PPP1R13B: variants seen among roughly 807,000 people sequenced by gnomAD.
PPP1R13B encodes the protein protein phosphatase 1 regulatory subunit 13B.
In PPP1R13B, 44 loss-of-function variants were observed where a neutral mutation model predicts 119.8. The ratio of observed to expected loss-of-function variants is 0.37; its 90% CI spans 0.29 to 0.47. The LOEUF (loss-of-function observed/expected upper bound fraction) is 0.47. Ranked by LOEUF, PPP1R13B falls within the 20% of genes least tolerant of loss-of-function variation. PPP1R13B has a pLI of 0.99. For synonymous variants in PPP1R13B, 542 were observed against 561.5 expected, an observed-to-expected ratio of 0.97 and a Z score of 0.49; for missense variants, 1,227 against 1,413.5, an observed-to-expected ratio of 0.87 and a Z score of 2.12.
chr14:103,738,383 C>A lies in PPP1R13B; in HGVS notation c.2864+296G>T. On this transcript the variant is annotated intron_variant, in intron 14 of 16. Coordinates refer to ENST00000202556, the MANE Select transcript of PPP1R13B (RefSeq NM_015316.3). The surrounding 1 kb of genome is among the most constrained non-coding windows in gnomAD (Gnocchi z 5.6). ...GAGCACAGAGTGTGAAGAGTCCATA[C>A]GGAACATATGAGAAGGGGAAGATGG... The A allele has an allele frequency of 2.3e-6, 1 of 436,568 alleles. No individual in the cohort carries two copies. The highest frequency in any genetic ancestry group is 4.2e-6 in the Non-Finnish European group (1 of 237,028). 27.0% of individuals were successfully genotyped at this position (436,568 alleles called of 1,614,324 possible). A position where few individuals can be genotyped will look rare whatever the true frequency, so the allele number is the denominator to read the frequency against.
At chr14:103,840,571 T>C (rs1001629672) in intron 1 of PPP1R13B, among the ~76,000 whole-genome samples, 19 of 151,998 alleles carry the variant, frequency 1.3e-4, no homozygotes, top group Non-Finnish European at 2.9e-5. Context: ...GGCAGATCAT[T>C]TGAGGTCAGG....
intron 1 of PPP1R13B, among the ~76,000 whole-genome samples, chr14:103,821,102 G>A (rs2086395927): frequency 6.6e-6 from 1 of 152,142 alleles, no homozygotes. Flanking sequence ...AGATGAGGAA[G>A]TAGAAGCCCA....
intron 5 of PPP1R13B, among the ~76,000 whole-genome samples, chr14:103,755,831 T>C (rs1199666681): frequency 6.6e-6 from 1 of 152,230 alleles, no homozygotes; most frequent in African/African-American, 2.4e-5. Context: ...TGGGATAAAG[T>C]ACTTTCCAAT....
chr14:103,756,471 TA>T (rs2084680427), intron 5 of PPP1R13B, among the ~76,000 whole-genome samples: 1 of 152,230 alleles, frequency 6.6e-6, no homozygotes, highest in African/African-American at 2.4e-5. Context: ...TTCAATTAAA[TA>T]TGACTAAACC....
At chr14:103,768,209 G>A (rs570727054) in intron 4 of PPP1R13B, among the ~76,000 whole-genome samples, 1 of 151,496 alleles carries the variant, frequency 6.6e-6, no homozygotes, top group South Asian at 2.1e-4. Flanking sequence ...CCGCCCCCCG[G>A]GGTTCAAGTG....
intron 7 of PPP1R13B, among the ~76,000 whole-genome samples, chr14:103,751,639 T>TG (rs1387555720): frequency 2.6e-5 from 4 of 151,984 alleles, no homozygotes; most frequent in Non-Finnish European, 4.4e-5. Flanking sequence ...GTCATGAGGG[T>TG]GGGGCCCCCC....
At chr14:103,819,186 A>T (rs1276528966) in intron 1 of PPP1R13B, among the ~76,000 whole-genome samples, 2 of 152,212 alleles carry the variant, frequency 1.3e-5, no homozygotes, top group Non-Finnish European at 2.9e-5. Flanking sequence ...GGAGTAGGAA[A>T]TGAGAGATAA....
chr14:103,812,310 G>T (rs1298912889), intron 1 of PPP1R13B, among the ~76,000 whole-genome samples: 1 of 151,680 alleles, frequency 6.6e-6, no homozygotes, highest in East Asian at 2.0e-4. Flanking sequence ...ATTTTTAGTA[G>T]AGATGGGGTT....
chr14:103,785,072 G>A (rs1425868979), intron 2 of PPP1R13B, among the ~76,000 whole-genome samples, 158 bp from the exon 3 acceptor site: 2 of 152,062 alleles, frequency 1.3e-5, no homozygotes, highest in Non-Finnish European at 2.9e-5. Flanking sequence ...ACATTACTGA[G>A]TAAAAGCAAG....
At chr14:103,826,542 G>GTT (rs1429684368) in intron 1 of PPP1R13B, among the ~76,000 whole-genome samples, 1 of 152,104 alleles carries the variant, frequency 6.6e-6, no homozygotes, top group Non-Finnish European at 1.5e-5. Flanking sequence ...ATAAATTATG[G>GTT]TTTTATGACA....
intron 1 of PPP1R13B, among the ~76,000 whole-genome samples, chr14:103,805,435 G>A (rs1422942864): frequency 1.3e-5 from 2 of 152,026 alleles, no homozygotes; most frequent in East Asian, 3.9e-4. Flanking sequence ...GCTGGGCATG[G>A]TGGCACACGT....
intron 1 of PPP1R13B, among the ~76,000 whole-genome samples, chr14:103,829,388 C>G (rs1281937378): frequency 6.6e-6 from 1 of 152,094 alleles, no homozygotes; most frequent in Admixed American, 6.6e-5. Context: ...TGTCTTTGAA[C>G]TATAGTGAAT....
In PPP1R13B at chr14:103,837,997, T is replaced by C. The variant is rs558674202; in HGVS notation, c.9+9302A>G. ...AGCCAGGCATGGTGGCGCACACCTG[T>C]AGTCCCAGCTCCTCGGGAGGCTGAG... On this transcript the variant is annotated intron_variant, in intron 1 of 16. Coordinates refer to ENST00000202556, the MANE Select transcript of PPP1R13B (RefSeq NM_015316.3). Among the ~76,000 whole-genome samples the C allele has an allele frequency of 2.0e-5, 3 of 152,236 alleles. No homozygotes were observed. The South Asian group carries it at 6.2e-4, about 32-fold the overall frequency.
intron 4 of PPP1R13B, among the ~76,000 whole-genome samples, chr14:103,775,973 G>A (rs1370350969): frequency 4.0e-5 from 6 of 151,864 alleles, no homozygotes; most frequent in African/African-American, 1.5e-4. Context: ...ATACCACATG[G>A]CTCTGCAGTG....
chr14:103,738,762 G>A lies in PPP1R13B; in HGVS notation c.2781C>T (p.Asn927=), dbSNP rs538419592. 1.7e-5 allele frequency: 27 copies of A among 1,614,210 alleles called. No homozygotes were observed. Among genetic ancestry groups the A allele is most frequent in the African/African-American group, 4.0e-5 (3 of 75,054 alleles). ...TGTGATGGTGGCCGGCGCAGACGGC[G>A]TTGTGCAGTGGGGTGATCCCTTCGT... ...PNDEGITPLH[N]AVCAGHHHIV... The change falls in exon 14 of 17, where the codon AAC becomes AAT. Residue 927 remains asparagine, a synonymous_variant. Coordinates refer to ENST00000202556, the MANE Select transcript of PPP1R13B (RefSeq NM_015316.3). This position sits in a 1 kb window ranked among gnomAD's most constrained non-coding sequence, Gnocchi z 5.6.
chr14:103,827,297 C>T (rs2152074193), intron 1 of PPP1R13B, among the ~76,000 whole-genome samples: 1 of 152,220 alleles, frequency 6.6e-6, no homozygotes, highest in East Asian at 1.9e-4. Context: ...GATCGCGCCA[C>T]TGCACTCCAA....
rs1011836502 is a variant in PPP1R13B at position 103,740,868 on chromosome 14, C to T, written c.1823-275G>A. 3.3e-5 allele frequency among the ~76,000 whole-genome samples: 5 copies of T among 152,236 alleles called. No individual in the cohort carries two copies. The highest frequency in any genetic ancestry group is 1.3e-4 in the Admixed American group (2 of 15,294). Reference sequence around the variant, plus strand: ...CAAAAGAAAAAAATAGGGTGCTAACCCGACTTTTCCTGCCGCAGACAAGCC... The same window carrying T: ...CAAAAGAAAAAAATAGGGTGCTAACTCGACTTTTCCTGCCGCAGACAAGCC... On this transcript the variant is annotated intron_variant, in intron 11 of 16. Coordinates refer to ENST00000202556, the MANE Select transcript of PPP1R13B (RefSeq NM_015316.3). The surrounding 1 kb of genome is among the most constrained non-coding windows in gnomAD (Gnocchi z 4.6).
At chr14:103,841,598 A>G (rs1469927856) in intron 1 of PPP1R13B, among the ~76,000 whole-genome samples, 1 of 152,166 alleles carries the variant, frequency 6.6e-6, no homozygotes, top group Non-Finnish European at 1.5e-5. Flanking sequence ...TCAAAAAGAA[A>G]AAAAAAGAAA....
At position 103,733,326 on chromosome 14, in the gene PPP1R13B, G is replaced by A. The variant is rs111730222; in HGVS notation, c.*1828C>T. The A allele has an allele frequency of 3.1e-3, 979 of 313,648 alleles. 11 individuals carry two copies. Among genetic ancestry groups the A allele is most frequent in the African/African-American group, 0.02 (923 of 45,954 alleles). The allele number at this position is 313,648 out of a possible 1,614,324, so 19.4% of individuals were successfully genotyped here. Reference sequence around the variant, plus strand: ...TAATATATACCATTTTTATGAGTTCGCAGGTCTACTAGAAGGTTCTGGCCC... The same window carrying A: ...TAATATATACCATTTTTATGAGTTCACAGGTCTACTAGAAGGTTCTGGCCC... On this transcript the variant is annotated 3_prime_UTR_variant, in exon 17 of 17. Transcript: ENST00000202556.
Sources: gnomAD v4.1 joint callset for allele counts (sites outside exome capture counted in the v4.1 genomes callset) on GRCh38, gnomAD v4.1.1 for gene constraint, Gnocchi (gnomAD v3.1) non-coding constraint, MANE v1.5 for transcripts, NCBI Gene and HGNC (gene_info 2026-07-23, HGNC 2026-07-21) for gene names.